GLIS1: variants seen among roughly 807,000 people sequenced by gnomAD.
GLIS1 encodes the protein GLIS family zinc finger 1, also known as zinc finger protein GLIS1.
A neutral mutation model predicts 63.8 loss-of-function variants in GLIS1; 24 were observed. The ratio of observed to expected loss-of-function variants is 0.38; its 90% CI spans 0.27 to 0.53. The LOEUF is 0.53. GLIS1 is among the 20% of genes least tolerant of loss of function. The pLI, the probability that GLIS1 is intolerant of heterozygous loss-of-function variation, is 0.85. For missense variants in GLIS1, 1,036 were observed against 1,074.1 expected, an observed-to-expected ratio of 0.96 and a Z score of 0.50; for synonymous variants, 450 against 482.5, an observed-to-expected ratio of 0.93 and a Z score of 0.88.
In GLIS1 at chr1:53,535,620, C is replaced by G. The variant is rs1033116006; in HGVS notation, c.1321-5668G>C. On this transcript the variant is annotated intron_variant, in intron 4 of 10. Transcript: ENST00000628545. Reference sequence around the variant, plus strand: ...CCCTGCATCCAACTAGTCACCAGCCCAGGAAATGCCACCTTGTAATCACCT... The same window carrying G: ...CCCTGCATCCAACTAGTCACCAGCCGAGGAAATGCCACCTTGTAATCACCT... Among the ~76,000 whole-genome samples the G allele has an allele frequency of 4.6e-5, 7 of 152,112 alleles. No individual in the cohort carries two copies. The East Asian group carries it at 1.4e-3, about 29-fold the overall frequency.
At chr1:53,626,797 C>T (rs1355672922) in intron 2 of GLIS1, among the ~76,000 whole-genome samples, 4 of 152,262 alleles carry the variant, frequency 2.6e-5, no homozygotes, top group Non-Finnish European at 1.5e-5. Context: ...TCCACTCCCG[C>T]ATCATCTGGC....
In GLIS1 at chr1:53,712,824, C is replaced by T. The variant is rs79774055; in HGVS notation, c.259+24982G>A. 1.8e-3 allele frequency among the ~76,000 whole-genome samples: 278 copies of T among 152,260 alleles called. 2 individuals are homozygous for T. In the East Asian group the frequency reaches 0.027, roughly 15 times the overall value. ...TTCAGGTGCAGGGAAGAGCCATCAT[C>T]GGCGGTGGGCTACAACACGGACTCT... On this transcript the variant is annotated intron_variant, in intron 2 of 10. Coordinates refer to ENST00000628545, the MANE Select transcript of GLIS1 (RefSeq NM_001367484.1).
intron 4 of GLIS1, among the ~76,000 whole-genome samples, chr1:53,553,995 A>G (rs490868): frequency 0.022 from 3,400 of 152,234 alleles, 94 homozygotes; most frequent in East Asian, 0.071. Context: ...TGTCAGCCTC[A>G]ACAGCCTCCT....
chr1:53,526,435 C>T lies in GLIS1; in HGVS notation c.1483-1548G>A, dbSNP rs956379461. On this transcript the variant is annotated intron_variant, in intron 5 of 10. Transcript: ENST00000628545. This position sits in a 1 kb window ranked among gnomAD's most constrained non-coding sequence, Gnocchi z 4.4. ...GCAGTGAGAAGCTTGCCGGGGTTGGCCTGGGAGGGAGAGCGGAGGCCTGCC... is the reference window on the plus strand; with the variant it reads ...GCAGTGAGAAGCTTGCCGGGGTTGGTCTGGGAGGGAGAGCGGAGGCCTGCC... 1.3e-5 allele frequency among the ~76,000 whole-genome samples: 2 copies of T among 152,144 alleles called. No individual in the cohort carries two copies. Among genetic ancestry groups the T allele is most frequent in the African/African-American group, 4.8e-5 (2 of 41,416 alleles).
intron 2 of GLIS1, among the ~76,000 whole-genome samples, chr1:53,658,131 C>A (rs931610466): frequency 6.6e-6 from 1 of 152,210 alleles, no homozygotes; most frequent in African/African-American, 2.4e-5. Flanking sequence ...TGCTGTTGTA[C>A]ATGCTGTTCC....
At chr1:53,618,114 G>A (rs1429589668) in intron 2 of GLIS1, among the ~76,000 whole-genome samples, 1 of 152,246 alleles carries the variant, frequency 6.6e-6, no homozygotes, top group Non-Finnish European at 1.5e-5. Context: ...CAGGCCTGGG[G>A]AAGGGACCTC....
In GLIS1 at chr1:53,506,553, G is replaced by A; in HGVS notation, c.*66C>T. On this transcript the variant is annotated 3_prime_UTR_variant, in exon 11 of 11. Coordinates refer to ENST00000628545, the MANE Select transcript of GLIS1 (RefSeq NM_001367484.1). The stretch of plus-strand genomic sequence containing the variant: ...CTCCTGCTAGGTGCACGGAGGGTGG[G>A]AGCGACAGCAGGTGGGCGAGGTGGC... The A allele has an allele frequency of 5.2e-6, 8 of 1,524,894 alleles. No individual in the cohort carries two copies. The highest frequency in any genetic ancestry group is 7.2e-6 in the Non-Finnish European group (8 of 1,108,400). 94.5% of individuals were successfully genotyped at this position (1,524,894 alleles called of 1,614,324 possible). A position where few individuals can be genotyped will look rare whatever the true frequency, so the allele number is the denominator to read the frequency against.
chr1:53,649,408 T>C (rs957814299), intron 2 of GLIS1, among the ~76,000 whole-genome samples: 1 of 152,340 alleles, frequency 6.6e-6, no homozygotes, highest in African/African-American at 2.4e-5. Context: ...ATCTGTGAGG[T>C]GCTCATCATC....
At chr1:53,590,942 G>T (rs1156590264) in intron 4 of GLIS1, among the ~76,000 whole-genome samples, 1 of 152,184 alleles carries the variant, frequency 6.6e-6, no homozygotes, top group African/African-American at 2.4e-5. Flanking sequence ...GGCTCCGCTG[G>T]CTAAATGTAA....
chr1:53,557,004 C>T (rs902960432), intron 4 of GLIS1, among the ~76,000 whole-genome samples: 4 of 149,614 alleles, frequency 2.7e-5, no homozygotes, highest in Non-Finnish European at 1.5e-5. Context: ...GTGTGTACTA[C>T]AGGTGAGTGT....
At chr1:53,717,118 G>A (rs551639868) in intron 2 of GLIS1, among the ~76,000 whole-genome samples, 11 of 152,296 alleles carry the variant, frequency 7.2e-5, no homozygotes, top group African/African-American at 2.2e-4. Context: ...AACAGGATCC[G>A]TCCTGATGCC....
intron 2 of GLIS1, among the ~76,000 whole-genome samples, chr1:53,692,046 A>G (rs1286723743): frequency 6.6e-6 from 1 of 152,044 alleles, no homozygotes; most frequent in Non-Finnish European, 1.5e-5. Context: ...CCTGCAGCCC[A>G]CTCTGCAGTT....
intron 4 of GLIS1, among the ~76,000 whole-genome samples, chr1:53,541,173 C>T (rs1222660800): frequency 3.3e-5 from 5 of 152,248 alleles, no homozygotes; most frequent in Middle Eastern, 3.4e-3. Context: ...TAAGCTCTAC[C>T]GGGAGAAATG....
intron 2 of GLIS1, among the ~76,000 whole-genome samples, chr1:53,713,844 C>T (rs1358981513): frequency 6.6e-6 from 1 of 152,202 alleles, no homozygotes; most frequent in African/African-American, 2.4e-5. Context: ...CCTTTTAAAA[C>T]AGGGTGGAGA....
At chr1:53,684,755 C>A (rs1646312762) in intron 2 of GLIS1, among the ~76,000 whole-genome samples, 1 of 152,234 alleles carries the variant, frequency 6.6e-6, no homozygotes, top group South Asian at 2.1e-4. Context: ...CCTCTCCTCT[C>A]CTCCTGGCCA....
chr1:53,656,247 C>T (rs1370441718), intron 2 of GLIS1, among the ~76,000 whole-genome samples: 1 of 152,196 alleles, frequency 6.6e-6, no homozygotes, highest in Non-Finnish European at 1.5e-5. Context: ...CACAGGCACA[C>T]CACCCCATTC....
intron 4 of GLIS1, among the ~76,000 whole-genome samples, chr1:53,535,397 T>C (rs1644572523): frequency 6.6e-6 from 1 of 152,034 alleles, no homozygotes; most frequent in Non-Finnish European, 1.5e-5. Flanking sequence ...GTCCAGGCAC[T>C]GGGCTGGACC....
intron 2 of GLIS1, among the ~76,000 whole-genome samples, chr1:53,604,174 T>C (rs939418742): frequency 1.3e-5 from 2 of 152,208 alleles, no homozygotes; most frequent in African/African-American, 2.4e-5. Context: ...TTATTTCTCC[T>C]TGAGCCTGGG....
intron 2 of GLIS1, among the ~76,000 whole-genome samples, chr1:53,678,862 C>T (rs550327099): frequency 6.6e-6 from 1 of 152,344 alleles, no homozygotes; most frequent in Admixed American, 6.5e-5. Context: ...GGTCCCTTCC[C>T]AGCCAGAGAA....
Sources: gnomAD v4.1 joint callset for allele counts (sites outside exome capture counted in the v4.1 genomes callset) on GRCh38, gnomAD v4.1.1 for gene constraint, Gnocchi (gnomAD v3.1) non-coding constraint, MANE v1.5 for transcripts, NCBI Gene and HGNC (gene_info 2026-07-23, HGNC 2026-07-21) for gene names.